Variants in AGBL4 observed in about 807,000 individuals in gnomAD.
AGBL4 encodes cytosolic carboxypeptidase 6.
In AGBL4, 58 loss-of-function variants were observed where a neutral mutation model predicts 66.4. The ratio of observed to expected loss-of-function variants is 0.87; its 90% CI spans 0.71 to 1.09. AGBL4 has a LOEUF of 1.09. Ranked by LOEUF, AGBL4 falls within the 50% of genes least tolerant of loss-of-function variation. The pLI, the probability that AGBL4 is intolerant of heterozygous loss-of-function variation, is 0.00. For missense variants in AGBL4, 579 were observed against 631.0 expected (o/e 0.92, Z 0.88); for synonymous variants, 234 against 222.9 (o/e 1.05, Z -0.44).
chr1:49,521,249 T>TCTACTC (rs1650239424), intron 3 of AGBL4, among the ~76,000 whole-genome samples: 4 of 152,036 alleles, frequency 2.6e-5, no homozygotes, highest in Admixed American at 2.0e-4. Context: ...TTTCACAGAA[T>TCTACTC]TAAAAAGACT....
intron 5 of AGBL4, among the ~76,000 whole-genome samples, chr1:48,952,139 G>A (rs1657043143): frequency 6.6e-6 from 1 of 152,202 alleles, no homozygotes; most frequent in Non-Finnish European, 1.5e-5. Flanking sequence ...CAGTATTACT[G>A]GAACAAGTGC....
chr1:49,051,747 A>C (rs77993065), intron 4 of AGBL4, among the ~76,000 whole-genome samples: 6,833 of 152,030 alleles, frequency 0.045, 208 homozygotes, highest in East Asian at 0.11. Flanking sequence ...CCTATCTTCC[A>C]CCAAATAATT....
At chr1:49,933,524 G>C (rs1247572761) in intron 1 of AGBL4, among the ~76,000 whole-genome samples, 1 of 152,018 alleles carries the variant, frequency 6.6e-6, no homozygotes, top group Non-Finnish European at 1.5e-5. Flanking sequence ...TGTAATGATA[G>C]AGTATAAATA....
chr1:49,174,202 A>G (rs1429156825), intron 4 of AGBL4, among the ~76,000 whole-genome samples: 1 of 152,176 alleles, frequency 6.6e-6, no homozygotes. Flanking sequence ...TCATATTTGT[A>G]TGCTGATGAG....
rs546271901 is a variant in AGBL4 at position 49,401,626 on chromosome 1, A to T, written c.283-155762T>A. Among the ~76,000 whole-genome samples, 11 of 152,268 alleles carry T rather than the reference A, an allele frequency of 7.2e-5. No individual in the cohort carries two copies. The South Asian group carries it at 2.3e-3, about 32-fold the overall frequency. ...ATTTTTGCATCAATCTTCATCAGTG[A>T]TATTGGCCTATAGTTTTCCTTTTTG... On this transcript the variant is annotated intron_variant, in intron 3 of 13. Transcript: ENST00000371839.
chr1:49,285,090 C>A (rs1023063362), intron 3 of AGBL4, among the ~76,000 whole-genome samples: 24 of 152,100 alleles, frequency 1.6e-4, no homozygotes, highest in Admixed American at 3.9e-4. Flanking sequence ...GCACACCACA[C>A]CTATTCCAAA....
chr1:48,843,415 T>G (rs1223493688), intron 6 of AGBL4, among the ~76,000 whole-genome samples: 1 of 152,138 alleles, frequency 6.6e-6, no homozygotes, highest in Non-Finnish European at 1.5e-5. Flanking sequence ...TCAAAAGATC[T>G]TTTTGTTTTT....
rs377307088 is a variant in AGBL4 at position 50,007,210 on chromosome 1, G to A, written c.34+16553C>T. 3.4e-4 allele frequency among the ~76,000 whole-genome samples: 52 copies of A among 151,774 alleles called. 1 individual carries two copies. In the South Asian group the frequency reaches 9.6e-3, roughly 28 times the overall value. ...CAAGCCCCATGGTAACCTCAAATCA[G>A]AAACTATATGACGTACACAAAAAAT... On this transcript the variant is annotated intron_variant, in intron 1 of 13. Coordinates refer to ENST00000371839, the MANE Select transcript of AGBL4 (RefSeq NM_032785.4).
chr1:49,207,552 T>TTCTTTCTG (rs1648300576), intron 4 of AGBL4, among the ~76,000 whole-genome samples: 5 of 125,322 alleles, frequency 4.0e-5, no homozygotes, highest in African/African-American at 9.8e-5. Flanking sequence ...TTTTCTTTCT[T>TTCTTTCTG]TCTTTCTTTC....
chr1:48,549,734 C>T (rs1335619198), intron 11 of AGBL4, among the ~76,000 whole-genome samples: 3 of 151,614 alleles, frequency 2.0e-5, no homozygotes, highest in Non-Finnish European at 4.4e-5. Flanking sequence ...GAGAGAAAAA[C>T]AGGGAGCAAA....
chr1:49,342,253 G>A (rs757423012), intron 3 of AGBL4, among the ~76,000 whole-genome samples: 1 of 152,152 alleles, frequency 6.6e-6, no homozygotes, highest in Non-Finnish European at 1.5e-5. Context: ...TTTAATTGAT[G>A]AGAAAAAGGA....
intron 2 of AGBL4, among the ~76,000 whole-genome samples, chr1:49,765,436 T>A (rs1277699461): frequency 6.6e-6 from 1 of 152,006 alleles, no homozygotes; most frequent in Non-Finnish European, 1.5e-5. Flanking sequence ...TATACACATA[T>A]GCAGAAAGTG....
At chr1:48,565,300 T>A (rs1442748030) in intron 11 of AGBL4, among the ~76,000 whole-genome samples, 1 of 152,112 alleles carries the variant, frequency 6.6e-6, no homozygotes, top group Non-Finnish European at 1.5e-5. Flanking sequence ...CCGAGGGCCC[T>A]ATTAGCAGTA....
chr1:49,686,118 C>T (rs1029404920), intron 3 of AGBL4, among the ~76,000 whole-genome samples: 6 of 152,098 alleles, frequency 3.9e-5, no homozygotes, highest in African/African-American at 1.4e-4. Flanking sequence ...CTGCAGATGG[C>T]TAGACAGTTA....
chr1:49,409,358 T>C (rs1645270756), intron 3 of AGBL4, among the ~76,000 whole-genome samples: 1 of 152,152 alleles, frequency 6.6e-6, no homozygotes, highest in Non-Finnish European at 1.5e-5. Context: ...AAGTGATACT[T>C]TTAGTGAGAT....
In AGBL4 at chr1:49,174,355, A is replaced by G. The variant is rs555304781; in HGVS notation, c.377+71415T>C. The stretch of plus-strand genomic sequence containing the variant: ...AATTTATCAATTCTAAAAGAGAAGG[A>G]TGGCAAAGTTTCAAAAAATGGATAG... On this transcript the variant is annotated intron_variant, in intron 4 of 13. Coordinates refer to ENST00000371839, the MANE Select transcript of AGBL4 (RefSeq NM_032785.4). 2.7e-3 allele frequency among the ~76,000 whole-genome samples: 414 copies of G among 152,264 alleles called. 8 individuals are homozygous for G. Among genetic ancestry groups the G allele is most frequent in the Non-Finnish European group, 4.0e-3 (270 of 67,976 alleles).
rs1398511072 is a variant in AGBL4 at position 49,648,756 on chromosome 1, G to A, written c.282+48557C>T. 2.0e-5 allele frequency among the ~76,000 whole-genome samples: 3 copies of A among 151,292 alleles called. No individual in the cohort carries two copies. In the East Asian group the frequency reaches 5.8e-4, roughly 29 times the overall value. On this transcript the variant is annotated intron_variant, in intron 3 of 13. Coordinates refer to ENST00000371839, the MANE Select transcript of AGBL4 (RefSeq NM_032785.4). ...AAAAACTACAATTCTTTTACTCTAC[G>A]AAATTATCCTTCAAAAATGGAGGAA...
intron 1 of AGBL4, among the ~76,000 whole-genome samples, chr1:49,901,871 C>T (rs1249831564): frequency 2.6e-4 from 39 of 152,120 alleles, no homozygotes; most frequent in Admixed American, 2.6e-3. Flanking sequence ...ATACAGAACC[C>T]AGAAATAATC....
chr1:49,874,024 G>A (rs185087995), intron 1 of AGBL4, among the ~76,000 whole-genome samples: 1 of 152,034 alleles, frequency 6.6e-6, no homozygotes, highest in East Asian at 1.9e-4. Flanking sequence ...TGGACATCAG[G>A]GTAGACATAA....
Sources: allele counts gnomAD v4.1 joint callset (sites outside exome capture counted in the v4.1 genomes callset), GRCh38; gene constraint gnomAD v4.1.1; transcripts MANE v1.5; gene names NCBI Gene and HGNC (gene_info 2026-07-23, HGNC 2026-07-21).